Variants in ATRX observed in about 807,000 individuals in gnomAD.
ATRX encodes ATRX chromatin remodeler, also known as chromatin remodeler ATRX.
Under a neutral mutation model 172.6 loss-of-function variants are expected in ATRX, and 12 were observed. That is an observed-to-expected ratio of 0.07 (90% CI 0.04 to 0.11). The LOEUF is 0.11. Among genes scored for constraint, ATRX ranks in the 10% least tolerant of loss-of-function variants. The pLI is 1.00. For synonymous variants in ATRX, 674 were observed against 594.7 expected, an observed-to-expected ratio of 1.13 and a Z score of -1.94; for missense variants, 1,368 against 1,767.4, an observed-to-expected ratio of 0.77 and a Z score of 4.05.
intron 19 of ATRX, among the ~76,000 whole-genome samples, chrX:77,624,557 G>A (rs2067740773): frequency 9.0e-6 from 1 of 111,139 alleles, no homozygotes; most frequent in African/African-American, 3.3e-5. Flanking sequence ...ACACAAATCA[G>A]TAGCTCTTCT....
At chrX:77,543,745 G>A (rs1269948499) in intron 30 of ATRX, among the ~76,000 whole-genome samples, 2 of 110,135 alleles carry the variant, frequency 1.8e-5, no homozygotes, top group African/African-American at 3.3e-5. Flanking sequence ...GCTCATAAGC[G>A]GGAGGTGAAC....
intron 26 of ATRX, among the ~76,000 whole-genome samples, chrX:77,590,700 T>G (rs1017465102): frequency 9.4e-6 from 1 of 106,381 alleles, no homozygotes; most frequent in Non-Finnish European, 1.9e-5. Context: ...AAACTGAACA[T>G]CCACATGAAA....
intron 1 of ATRX, among the ~76,000 whole-genome samples, chrX:77,726,475 G>C (rs1467311658): frequency 1.1e-5 from 1 of 90,688 alleles, no homozygotes; most frequent in African/African-American, 4.1e-5. Flanking sequence ...GCCTGTCATG[G>C]GGTGGGGGGA....
At chrX:77,615,205 C>T (rs1557096122) in intron 22 of ATRX, among the ~76,000 whole-genome samples, 2 of 110,719 alleles carry the variant, frequency 1.8e-5, no homozygotes, top group Non-Finnish European at 3.8e-5. Context: ...CACTATGCTG[C>T]CCAGGCTAGT....
chrX:77,688,983 C>T, intron 6 of ATRX, 56 bp from the exon 7 acceptor site: 1 of 948,123 alleles, frequency 1.1e-6, no homozygotes, highest in Non-Finnish European at 1.5e-6. Flanking sequence ...AAGATACTTA[C>T]TTTAGTCAGC....
chrX:77,757,183 C>G (rs1323039559), intron 1 of ATRX, among the ~76,000 whole-genome samples: 1 of 111,752 alleles, frequency 8.9e-6, no homozygotes, highest in Non-Finnish European at 1.9e-5. Context: ...AATGCATCCA[C>G]TCTGAAAAAT....
chrX:77,705,318 G>C (rs2072757110), intron 2 of ATRX, among the ~76,000 whole-genome samples: 1 of 111,443 alleles, frequency 9.0e-6, no homozygotes, highest in African/African-American at 3.3e-5. Context: ...CAGGTCTACA[G>C]CCATGCTTAG....
At chrX:77,779,889 T>C (rs2076508816) in intron 1 of ATRX, among the ~76,000 whole-genome samples, 1 of 112,001 alleles carries the variant, frequency 8.9e-6, no homozygotes, top group Non-Finnish European at 1.9e-5. Context: ...AAGCTAAAAC[T>C]GAGAGACAAA....
chrX:77,538,056 G>C (rs1557049082), intron 30 of ATRX, among the ~76,000 whole-genome samples: 1 of 110,144 alleles, frequency 9.1e-6, no homozygotes, highest in East Asian at 2.9e-4. Context: ...AGGGGAGGGA[G>C]AGCATCAGGA....
intron 1 of ATRX, among the ~76,000 whole-genome samples, chrX:77,770,428 A>G (rs907287146): frequency 1.8e-5 from 2 of 110,916 alleles, no homozygotes; most frequent in African/African-American, 6.6e-5. Context: ...ACATAGAAAA[A>G]TCTACTGGAA....
intron 9 of ATRX, among the ~76,000 whole-genome samples, chrX:77,677,701 A>G (rs2070964824): frequency 9.2e-6 from 1 of 108,677 alleles, no homozygotes. Flanking sequence ...GTGGATTTAT[A>G]ATTATGCAAA....
chrX:77,539,581 A>G (rs1557049823), intron 30 of ATRX, among the ~76,000 whole-genome samples: 1 of 111,350 alleles, frequency 9.0e-6, no homozygotes, highest in Non-Finnish European at 1.9e-5. Context: ...GAGACATAAC[A>G]AACAGAAACG....
At chrX:77,518,047 ACT>A (rs782154328) in intron 34 of ATRX, among the ~76,000 whole-genome samples, 34 of 111,970 alleles carry the variant, frequency 3.0e-4, no homozygotes, top group Non-Finnish European at 5.5e-4. Flanking sequence ...ATATTGACAG[ACT>A]CACAGCCAGT....
chrX:77,543,248 C>A (rs2064088038), intron 30 of ATRX, among the ~76,000 whole-genome samples: 1 of 112,074 alleles, frequency 8.9e-6, no homozygotes, highest in Non-Finnish European at 1.9e-5. Context: ...AAATCAAAAC[C>A]ACAATGAAAT....
chrX:77,653,014 A>G (rs1440598086), intron 14 of ATRX, among the ~76,000 whole-genome samples: 1 of 109,213 alleles, frequency 9.2e-6, no homozygotes, highest in Non-Finnish European at 1.9e-5. Flanking sequence ...TAAAAAAAAA[A>G]AAAAAAAGAA....
chrX:77,731,902 G>A (rs2074312387), intron 1 of ATRX, among the ~76,000 whole-genome samples: 1 of 110,670 alleles, frequency 9.0e-6, no homozygotes, highest in African/African-American at 3.3e-5. Flanking sequence ...ATTCTTCTTG[G>A]ATGCCAGACA....
intron 30 of ATRX, among the ~76,000 whole-genome samples, chrX:77,541,987 G>T (rs2064017648): frequency 9.0e-6 from 1 of 111,563 alleles, no homozygotes; most frequent in Non-Finnish European, 1.9e-5. Flanking sequence ...GCAAGAGAAA[G>T]AAATAAAGGG....
intron 27 of ATRX, among the ~76,000 whole-genome samples, chrX:77,576,540 A>T (rs2065626505): frequency 9.0e-6 from 1 of 111,386 alleles, no homozygotes; most frequent in Non-Finnish European, 1.9e-5. Context: ...TTCTCTGTAT[A>T]AAAAAACTAG....
intron 22 of ATRX, 109 bp from the exon 23 acceptor site, chrX:77,600,673 A>G (rs1557086703): frequency 1.2e-6 from 1 of 851,185 alleles, no homozygotes; most frequent in East Asian, 3.2e-5. Flanking sequence ...GGCAGTGTAG[A>G]GAAGCTTATA....
Sources: gnomAD v4.1 joint callset for allele counts (sites outside exome capture counted in the v4.1 genomes callset) on GRCh38, gnomAD v4.1.1 for gene constraint, MANE v1.5 for transcripts, NCBI Gene and HGNC (gene_info 2026-07-23, HGNC 2026-07-21) for gene names.